Variants in OPCML observed in about 807,000 individuals in gnomAD.
OPCML encodes opioid binding protein/cell adhesion molecule like.
In OPCML, 13 loss-of-function variants were observed where a neutral mutation model predicts 37.8. The observed-to-expected ratio is 0.34, with a 90% CI of 0.22 to 0.55. The LOEUF (loss-of-function observed/expected upper bound fraction) is 0.55, where lower values mean the gene tolerates loss of function less well. OPCML is among the 20% of genes least tolerant of loss of function. OPCML has a pLI of 0.91. For missense variants in OPCML, 341 were observed against 435.6 expected, an observed-to-expected ratio of 0.78 and a Z score of 1.93; for synonymous variants, 176 against 168.8, an observed-to-expected ratio of 1.04 and a Z score of -0.33.
intron 3 of OPCML, among the ~76,000 whole-genome samples, chr11:132,575,907 A>C (rs1162818798): frequency 6.6e-6 from 1 of 152,106 alleles, no homozygotes; most frequent in African/African-American, 2.4e-5. Context: ...CAGTTTTGCC[A>C]GGCATAGTAA....
intron 3 of OPCML, among the ~76,000 whole-genome samples, chr11:132,655,519 A>AC (rs1662971991): frequency 1.3e-5 from 2 of 152,184 alleles, no homozygotes; most frequent in African/African-American, 4.8e-5. Flanking sequence ...CTGTGGGTGG[A>AC]CGTGTATGGA....
At chr11:133,417,976 CA>C in intron 1 of OPCML, 1 of 707,372 alleles carries the variant, frequency 1.4e-6, no homozygotes, top group Non-Finnish European at 1.7e-6. Flanking sequence ...AAAGTTTACA[CA>C]AGCTTTGTTC....
At chr11:133,404,769 C>G (rs986300467) in intron 1 of OPCML, among the ~76,000 whole-genome samples, 1 of 152,120 alleles carries the variant, frequency 6.6e-6, no homozygotes, top group African/African-American at 2.4e-5. Flanking sequence ...TTGCCAGATA[C>G]CAGAGGCAGT....
At chr11:132,702,522 A>G (rs1298281102) in intron 2 of OPCML, among the ~76,000 whole-genome samples, 1 of 152,184 alleles carries the variant, frequency 6.6e-6, no homozygotes, top group Non-Finnish European at 1.5e-5. Context: ...GAATTTGATT[A>G]TAATGTGTCA....
intron 1 of OPCML, among the ~76,000 whole-genome samples, chr11:133,097,857 TTAAA>T (rs1217209163): frequency 2.0e-5 from 3 of 152,176 alleles, no homozygotes; most frequent in Admixed American, 6.5e-5. Flanking sequence ...ACTGAGGAAA[TTAAA>T]TAAATAGTTA....
At chr11:132,784,147 C>T (rs937033901) in intron 2 of OPCML, among the ~76,000 whole-genome samples, 5 of 152,168 alleles carry the variant, frequency 3.3e-5, no homozygotes, top group African/African-American at 1.2e-4. Context: ...TCCACAGTAA[C>T]AAGCCTAGGA....
chr11:133,005,858 T>A, intron 1 of OPCML: 1 of 985,428 alleles, frequency 1.0e-6, no homozygotes, highest in Non-Finnish European at 1.2e-6. Context: ...GATCTATTTT[T>A]AATTTGCACT....
chr11:133,381,882 G>T (rs148119432), intron 1 of OPCML, among the ~76,000 whole-genome samples: 1 of 152,334 alleles, frequency 6.6e-6, no homozygotes, highest in Admixed American at 6.5e-5. Flanking sequence ...AGACACTGTA[G>T]TCTGGGAAGT....
intron 2 of OPCML, among the ~76,000 whole-genome samples, chr11:132,874,495 A>G (rs1166902014): frequency 6.8e-6 from 1 of 146,698 alleles, no homozygotes; most frequent in African/African-American, 2.5e-5. Flanking sequence ...ATTTTCCTGA[A>G]GGATAAACTG....
chr11:132,466,625 C>T (rs1235924234), intron 4 of OPCML, among the ~76,000 whole-genome samples: 2 of 152,168 alleles, frequency 1.3e-5, no homozygotes, highest in East Asian at 3.9e-4. Context: ...CTGGGCAGTC[C>T]AAGATTTTCT....
intron 1 of OPCML, among the ~76,000 whole-genome samples, chr11:133,307,935 C>T (rs1942967234): frequency 6.6e-6 from 1 of 151,814 alleles, no homozygotes; most frequent in Non-Finnish European, 1.5e-5. Context: ...AAGTTGTATA[C>T]CTTTTTTTTT....
At chr11:132,748,398 G>A (rs955522621) in intron 2 of OPCML, among the ~76,000 whole-genome samples, 1 of 152,268 alleles carries the variant, frequency 6.6e-6, no homozygotes. Context: ...AGACACAGCC[G>A]TGACTACAAA....
At chr11:132,738,380 G>C (rs1015484304) in intron 2 of OPCML, among the ~76,000 whole-genome samples, 18 of 152,196 alleles carry the variant, frequency 1.2e-4, no homozygotes, top group Non-Finnish European at 2.1e-4. Context: ...GGTCTAAGAA[G>C]TTTAAATACC....
At chr11:132,450,353 C>T (rs1320718262) in intron 4 of OPCML, among the ~76,000 whole-genome samples, 1 of 152,206 alleles carries the variant, frequency 6.6e-6, no homozygotes, top group Non-Finnish European at 1.5e-5. Context: ...AGGGCTCCAA[C>T]AGAGCAGGCC....
intron 1 of OPCML, among the ~76,000 whole-genome samples, chr11:133,528,730 G>A (rs1286534698): frequency 6.6e-6 from 1 of 152,214 alleles, no homozygotes; most frequent in Non-Finnish European, 1.5e-5. Flanking sequence ...AGGTGCAAGA[G>A]ATGAAGTTGT....
intron 1 of OPCML, among the ~76,000 whole-genome samples, chr11:133,354,305 C>CTGGTG (rs1565588802): frequency 3.1e-4 from 3 of 9,546 alleles, no homozygotes; most frequent in Admixed American, 1.1e-3. Context: ...GTGGTGGTGA[C>CTGGTG]GTGTTGGTAG....
At chr11:133,287,275 C>CTTTTTTTTTTTTTTTTT (rs760838065) in intron 1 of OPCML, among the ~76,000 whole-genome samples, 1 of 120,980 alleles carries the variant, frequency 8.3e-6, no homozygotes, top group African/African-American at 3.1e-5. Flanking sequence ...TTCTTTCTTT[C>CTTTTTTTTTTTTTTTTT]TTTTTTTTTT....
chr11:132,657,100 G>T lies in OPCML; in HGVS notation c.366C>A (p.His122Gln). 5 of 1,614,172 alleles carry T rather than the reference G, an allele frequency of 3.1e-6. No homozygotes were observed. Among genetic ancestry groups the T allele is most frequent in the Non-Finnish European group, 3.4e-6 (4 of 1,180,022 alleles). The change falls in exon 3 of 8, where the codon CAC becomes CAA. Residue 122 changes from histidine (H) to glutamine (Q), a missense_variant. His to Gln is a conservative substitution (Grantham distance 24). Coordinates refer to ENST00000524381, the MANE Select transcript of OPCML (RefSeq NM_001012393.5). ...GCTGGGACTTACCTTGCACTATTAGGTGAACCCGGGACGTTTTGGGATGAT... is the reference window on the plus strand; with the variant it reads ...GCTGGGACTTACCTTGCACTATTAGTTGAACCCGGGACGTTTTGGGATGAT... The part of the protein sequence containing the change: ...TDNHPKTSRV[H>Q]LIVQVPPQIM...
chr11:132,961,641 CT>C (rs1332113119), intron 1 of OPCML, among the ~76,000 whole-genome samples: 1 of 152,236 alleles, frequency 6.6e-6, no homozygotes, highest in African/African-American at 2.4e-5. Context: ...TGGTTTCAGA[CT>C]TTGCAGAAGT....
Sources: allele counts gnomAD v4.1 joint callset (sites outside exome capture counted in the v4.1 genomes callset), GRCh38; gene constraint gnomAD v4.1.1; transcripts MANE v1.5; gene names NCBI Gene and HGNC (gene_info 2026-07-23, HGNC 2026-07-21).